HHAT: variants seen among roughly 807,000 people sequenced by gnomAD.
HHAT encodes the protein hedgehog acyltransferase.
In HHAT, 47 loss-of-function variants were observed where a neutral mutation model predicts 70.8. That is an observed-to-expected ratio of 0.66 (90% confidence interval 0.53 to 0.85). The LOEUF (loss-of-function observed/expected upper bound fraction) is 0.85. HHAT is among the 40% of genes least tolerant of loss of function. HHAT has a pLI of 0.00. For synonymous variants in HHAT, 228 were observed against 247.6 expected (o/e 0.92, Z 0.74); for missense variants, 609 against 604.8 (o/e 1.01, Z -0.07).
intron 9 of HHAT, among the ~76,000 whole-genome samples, chr1:210,580,388 AGG>A (rs71823080): frequency 1.4e-5 from 2 of 148,136 alleles, no homozygotes; most frequent in Admixed American, 6.7e-5. Context: ...AAAAAAAAAA[AGG>A]GGGGATACGT....
intron 7 of HHAT, among the ~76,000 whole-genome samples, chr1:210,423,033 G>T (rs1263188001): frequency 6.6e-6 from 1 of 152,010 alleles, no homozygotes; most frequent in East Asian, 1.9e-4. Flanking sequence ...GTAAACATGG[G>T]GTATAGATGT....
At chr1:210,485,519 G>A (rs1030222137) in intron 8 of HHAT, among the ~76,000 whole-genome samples, 1 of 152,020 alleles carries the variant, frequency 6.6e-6, no homozygotes. Context: ...TGGATCATGA[G>A]GTCTCTATAT....
chr1:210,408,338 G>A (rs1010819372), intron 6 of HHAT, among the ~76,000 whole-genome samples: 2 of 151,942 alleles, frequency 1.3e-5, no homozygotes, highest in South Asian at 2.1e-4. Flanking sequence ...GTGCACCAAC[G>A]CACCCAGCTG....
intron 7 of HHAT, among the ~76,000 whole-genome samples, chr1:210,435,741 T>G (rs1455898048): frequency 6.6e-6 from 1 of 151,958 alleles, no homozygotes; most frequent in Non-Finnish European, 1.5e-5. Flanking sequence ...TTTTCGTATA[T>G]TTTTTGGCCA....
chr1:210,372,663 T>C (rs2089672965), intron 3 of HHAT, among the ~76,000 whole-genome samples: 1 of 152,228 alleles, frequency 6.6e-6, no homozygotes, highest in South Asian at 2.1e-4. Context: ...TCTATTCTGC[T>C]GGCTGAAGCA....
At chr1:210,389,502 C>T (rs1455994979) in intron 4 of HHAT, among the ~76,000 whole-genome samples, 1 of 152,206 alleles carries the variant, frequency 6.6e-6, no homozygotes, top group Non-Finnish European at 1.5e-5. Flanking sequence ...TGGGAGGTGA[C>T]TGAATCATGG....
intron 6 of HHAT, among the ~76,000 whole-genome samples, chr1:210,406,503 C>G (rs909781127): frequency 3.3e-5 from 5 of 151,976 alleles, no homozygotes; most frequent in East Asian, 1.9e-4. Flanking sequence ...AAGTGATTCC[C>G]GTGTCTGAGC....
intron 9 of HHAT, among the ~76,000 whole-genome samples, chr1:210,552,295 C>A (rs2095534050): frequency 6.6e-6 from 1 of 152,210 alleles, no homozygotes; most frequent in African/African-American, 2.4e-5. Context: ...AAGCTTGCAT[C>A]TTTGACAAAT....
rs551040832 is a variant in HHAT at position 210,660,088 on chromosome 1, T to G, written c.1391-14200T>G. Among the ~76,000 whole-genome samples, 182 of 152,158 alleles carry G rather than the reference T, an allele frequency of 1.2e-3. 1 individual carries two copies. The highest frequency in any genetic ancestry group is 3.4e-3 in the Middle Eastern group (1 of 294). ...GGCCAGGGCAATCAGGAGAAAGAAA[T>G]AAAGGGTATTCAATTAGGAAAAGAG... On this transcript the variant is annotated intron_variant, in intron 11 of 11. Transcript: ENST00000261458.
Position 210,405,476 on chromosome 1 carries a change from C to T in HHAT, c.684+797C>T, listed in dbSNP as rs778146719. ...TATCCCTCACCAACAAAACAATCCTCATAGAGGAGAAAATAACATGTACGT... is the reference window on the plus strand; with the variant it reads ...TATCCCTCACCAACAAAACAATCCTTATAGAGGAGAAAATAACATGTACGT... On this transcript the variant is annotated intron_variant, in intron 6 of 11. Coordinates refer to ENST00000261458, the MANE Select transcript of HHAT (RefSeq NM_018194.6). Among the ~76,000 whole-genome samples the T allele has an allele frequency of 4.6e-5, 7 of 152,136 alleles. No homozygotes were observed. The South Asian group carries it at 1.5e-3, about 32-fold the overall frequency.
chr1:210,329,375 T>G, intron 1 of HHAT: 1 of 1,165,776 alleles, frequency 8.6e-7, no homozygotes, highest in African/African-American at 1.6e-5. Flanking sequence ...CCTCTCTCCT[T>G]GGCTTCGTCC....
chr1:210,422,013 A>G (rs536481736), intron 7 of HHAT, among the ~76,000 whole-genome samples: 2 of 152,272 alleles, frequency 1.3e-5, no homozygotes, highest in South Asian at 2.1e-4. Context: ...AAAAATAATT[A>G]TCTCCTACTC....
At chr1:210,422,890 G>A (rs1019779425) in intron 7 of HHAT, among the ~76,000 whole-genome samples, 11 of 152,164 alleles carry the variant, frequency 7.2e-5, no homozygotes, top group African/African-American at 1.9e-4. Flanking sequence ...GCCCACCTCA[G>A]CCTCCCAAAG....
chr1:210,378,782 T>C (rs1001555454), intron 3 of HHAT, among the ~76,000 whole-genome samples: 1 of 152,244 alleles, frequency 6.6e-6, no homozygotes, highest in Non-Finnish European at 1.5e-5. Context: ...TGAGCATTCA[T>C]TGGGTTGACC....
intron 11 of HHAT, among the ~76,000 whole-genome samples, chr1:210,640,917 C>T (rs1672860078): frequency 6.6e-6 from 1 of 152,172 alleles, no homozygotes; most frequent in Non-Finnish European, 1.5e-5. Context: ...CCAAACCCAC[C>T]TAGGTAGTAA....
intron 9 of HHAT, among the ~76,000 whole-genome samples, chr1:210,521,427 T>C (rs1283221834): frequency 6.6e-6 from 1 of 152,240 alleles, no homozygotes; most frequent in African/African-American, 2.4e-5. Flanking sequence ...TGATACCCTA[T>C]ACCTGACCCT....
At chr1:210,369,083 A>G (rs1324337574) in intron 3 of HHAT, among the ~76,000 whole-genome samples, 4 of 152,050 alleles carry the variant, frequency 2.6e-5, no homozygotes, top group Non-Finnish European at 4.4e-5. Context: ...TGTCTCAAAA[A>G]AAAGAAAGAA....
Position 210,580,315 on chromosome 1 carries a change from A to G in HHAT, c.1044-7583A>G, listed in dbSNP as rs78304526. Reference sequence around the variant, plus strand: ...TGTTATTATCTCTACTGGACAGAAAAATATTAAAAGCAAATTATATTCCTT... The same window carrying G: ...TGTTATTATCTCTACTGGACAGAAAGATATTAAAAGCAAATTATATTCCTT... On this transcript the variant is annotated intron_variant, in intron 9 of 11. Coordinates refer to ENST00000261458, the MANE Select transcript of HHAT (RefSeq NM_018194.6). 8.9e-3 allele frequency among the ~76,000 whole-genome samples: 1,360 copies of G among 152,224 alleles called. 17 individuals carry two copies. The highest frequency in any genetic ancestry group is 0.03 in the East Asian group (155 of 5,180).
At chr1:210,334,458 T>C (rs2147913550) in intron 1 of HHAT, among the ~76,000 whole-genome samples, 1 of 152,100 alleles carries the variant, frequency 6.6e-6, no homozygotes, top group South Asian at 2.1e-4. Context: ...ACCCAGCCTG[T>C]TAGTGCATTA....
Sources: gnomAD v4.1 joint callset for allele counts (sites outside exome capture counted in the v4.1 genomes callset) on GRCh38, gnomAD v4.1.1 for gene constraint, MANE v1.5 for transcripts, NCBI Gene and HGNC (gene_info 2026-07-23, HGNC 2026-07-21) for gene names.